NFATC2IP: variants seen among roughly 807,000 people sequenced by gnomAD.
NFATC2IP encodes nuclear factor of activated T cells 2 interacting protein, also known as NFATC2-interacting protein.
A neutral mutation model predicts 40.2 loss-of-function variants in NFATC2IP; 25 were observed. That is an observed-to-expected ratio of 0.62 (90% CI 0.45 to 0.87). NFATC2IP has a LOEUF of 0.87. NFATC2IP is among the 40% of genes least tolerant of loss of function. The probability of loss-of-function intolerance (pLI) is 0.00; values close to 1 mark genes in which losing one functional copy is unlikely to be tolerated. For synonymous variants in NFATC2IP, 241 were observed against 236.3 expected (o/e 1.02, Z -0.18); for missense variants, 553 against 555.6 (o/e 1.00, Z 0.05).
chr16:28,952,376 A>G, intron 2 of NFATC2IP, 172 bp downstream of exon 2: 1 of 1,041,112 alleles, frequency 9.6e-7, no homozygotes, highest in East Asian at 2.7e-5. Context: ...CATAGAATGT[A>G]TTAATGTATA....
rs1965117432 is a variant in NFATC2IP, at chr16:28,964,031, A to G, written c.*168A>G. The G allele has an allele frequency of 3.1e-6, 2 of 644,142 alleles. No individual in the cohort carries two copies. The highest frequency in any genetic ancestry group is 5.3e-6 in the Non-Finnish European group (2 of 378,410). The allele number at this position is 644,142 out of a possible 1,614,324, so 39.9% of individuals were successfully genotyped here. ...CTGTTGACCCTGGTTTAGAGCCGTT[A>G]ACCACTTGGTGAGTTATGTGGGTGT... On this transcript the variant is annotated 3_prime_UTR_variant, in exon 8 of 8. Coordinates refer to ENST00000320805, the MANE Select transcript of NFATC2IP (RefSeq NM_032815.4).
At position 28,959,099 on chromosome 16, in the gene NFATC2IP, G is replaced by C; in HGVS notation, c.1100G>C (p.Arg367Pro). Residue 367 changes from arginine (R) to proline (P), a missense_variant and splice_region_variant, in exon 7 of 8, where the codon CGA becomes CCA. By Grantham distance (103) the Arg-to-Pro change is moderately radical. Transcript: ENST00000320805. The part of the protein sequence containing the change: ...KHQTLEVSLS[R>P]DSPLKTLMSH... ...CAGACACTGGAAGTCTCACTGTCTC[G>C]AGTGAGTGGGAGAGATGGCTCTCCA... 6.3e-7 allele frequency: 1 copy of C among 1,579,314 alleles called. No individual in the cohort carries two copies. The highest frequency in any genetic ancestry group is 1.1e-5 in the South Asian group (1 of 90,232).
Position 28,951,042 on chromosome 16 carries a change from T to C in NFATC2IP, c.31T>C (p.Trp11Arg), listed in dbSNP as rs577511088. 3.9e-6 allele frequency: 6 copies of C among 1,526,692 alleles called. No homozygotes were observed. The highest frequency in any genetic ancestry group is 2.4e-5 in the East Asian group (1 of 41,312). 94.6% of individuals were successfully genotyped at this position (1,526,692 alleles called of 1,614,324 possible). A position where few individuals can be genotyped will look rare whatever the true frequency, so the allele number is the denominator to read the frequency against. Residue 11 changes from tryptophan (W) to arginine (R), a missense_variant, in exon 1 of 8, where the codon TGG becomes CGG. Physicochemically the swap from Trp to Arg is moderately radical, Grantham distance 101. Transcript: ENST00000320805. The stretch of plus-strand genomic sequence containing the variant: ...GGAGCCTGTGGGGAAGCGGGGCCGC[T>C]GGTCCGGAGGTAGCGGTGCCGGCCG... MAEPVGKRGR[W>R]SGGSGAGRGG...
At chr16:28,955,484 C>T (rs1448418189) in intron 3 of NFATC2IP, among the ~76,000 whole-genome samples, 1 of 152,176 alleles carries the variant, frequency 6.6e-6, no homozygotes, top group Non-Finnish European at 1.5e-5. Flanking sequence ...ATTTTCTTCC[C>T]TAATATTCAG....
At position 28,951,088 on chromosome 16, in the gene NFATC2IP, G is replaced by A; in HGVS notation, c.77G>A (p.Gly26Asp). The A allele has an allele frequency of 1.3e-6, 2 of 1,543,364 alleles. No homozygotes were observed. Among genetic ancestry groups the A allele is most frequent in the Non-Finnish European group, 1.7e-6 (2 of 1,143,438 alleles). ...GAGRGGRGGW[G>D]GRGRRPRAQR... ...GGCCGAGGGGGTCGGGGCGGCTGGG[G>A]CGGTCGGGGCCGGCGTCCTCGGGCC... Residue 26 changes from glycine (G) to aspartate (D), a missense_variant, in exon 1 of 8, where the codon GGC becomes GAC. By Grantham distance (94) the Gly-to-Asp change is moderately conservative (BLOSUM62 -1). Coordinates refer to ENST00000320805, the MANE Select transcript of NFATC2IP (RefSeq NM_032815.4).
At position 28,967,088 on chromosome 16, in the gene NFATC2IP, T is replaced by A. The variant is rs763033035; in HGVS notation, c.*3225T>A. The A allele has an allele frequency of 2.0e-5, 3 of 152,148 alleles. No homozygotes were observed. Among genetic ancestry groups the A allele is most frequent in the Non-Finnish European group, 2.9e-5 (2 of 68,030 alleles). 9.4% of individuals were successfully genotyped at this position (152,148 alleles called of 1,614,324 possible). A position where few individuals can be genotyped will look rare whatever the true frequency, so the allele number is the denominator to read the frequency against. ...CCTCAACAAAATAAATGGCAATATGTTCAACTTGTGTATACTGGAGGATTT... is the reference window on the plus strand; with the variant it reads ...CCTCAACAAAATAAATGGCAATATGATCAACTTGTGTATACTGGAGGATTT... On this transcript the variant is annotated 3_prime_UTR_variant, in exon 8 of 8. Transcript: ENST00000320805.
chr16:28,960,432 A>G (rs1430329132), intron 7 of NFATC2IP, among the ~76,000 whole-genome samples: 2 of 152,154 alleles, frequency 1.3e-5, no homozygotes, highest in African/African-American at 4.8e-5. Context: ...CTTAAGCCCA[A>G]AATCTCATTT....
At chr16:28,963,649 CG>C in intron 7 of NFATC2IP, 55 bp from the exon 8 acceptor site, 1 of 1,538,512 alleles carries the variant, frequency 6.5e-7, no homozygotes, top group East Asian at 2.2e-5. Flanking sequence ...TCTATCCCTA[CG>C]GGATCCCCGC....
Position 28,951,192 on chromosome 16 carries a change from G to A in NFATC2IP, c.181G>A (p.Val61Ile), listed in dbSNP as rs561447150. 4.6e-5 allele frequency: 71 copies of A among 1,539,974 alleles called. No homozygotes were observed. Among genetic ancestry groups the A allele is most frequent in the Non-Finnish European group, 6.0e-5 (68 of 1,141,090 alleles). ...VTDSDEEILEVATARGAADEV... is the reference protein window; with the variant it reads ...VTDSDEEILEIATARGAADEV... ...CGACAGCGATGAGGAAATTCTGGAGGTCGCCACCGCTCGCGGTGCCGCGGA... is the reference window on the plus strand; with the variant it reads ...CGACAGCGATGAGGAAATTCTGGAGATCGCCACCGCTCGCGGTGCCGCGGA... Residue 61 changes from valine (V) to isoleucine (I), a missense_variant, in exon 1 of 8, where the codon GTC becomes ATC. By Grantham distance (29) the Val-to-Ile change is conservative. Transcript: ENST00000320805.
chr16:28,961,066 A>G (rs1237655576), intron 7 of NFATC2IP, among the ~76,000 whole-genome samples: 1 of 152,092 alleles, frequency 6.6e-6, no homozygotes, highest in African/African-American at 2.4e-5. Flanking sequence ...AGTGCCTCAC[A>G]TCTGTAATCC....
At chr16:28,958,216 G>A (rs557755515) in intron 5 of NFATC2IP, among the ~76,000 whole-genome samples, 5 of 152,088 alleles carry the variant, frequency 3.3e-5, no homozygotes, top group South Asian at 2.1e-4. Flanking sequence ...TTGGGAGGCC[G>A]AGGCAGGTGG....
Position 28,950,990 on chromosome 16 carries a change from G to A in NFATC2IP, c.-22G>A. 2 of 1,475,786 alleles carry A rather than the reference G, an allele frequency of 1.4e-6. No individual in the cohort carries two copies. Among genetic ancestry groups the A allele is most frequent in the Non-Finnish European group, 1.8e-6 (2 of 1,118,672 alleles). 91.4% of individuals were successfully genotyped at this position (1,475,786 alleles called of 1,614,324 possible). On this transcript the variant is annotated 5_prime_UTR_variant, in exon 1 of 8. In the 5' UTR this introduces an upstream ATG that the reference lacks. Transcript: ENST00000320805. ...GGGCGAGGCGAGAGGAGGCGGGCGT[G>A]TGTTGTGGAGGAAAGTGTGCCATGG...
rs896462629 is a variant in NFATC2IP at position 28,964,672 on chromosome 16, C to T, written c.*809C>T. The T allele has an allele frequency of 1.3e-5, 2 of 152,252 alleles. No individual in the cohort carries two copies. The highest frequency in any genetic ancestry group is 2.9e-5 in the Non-Finnish European group (2 of 68,042). 9.4% of individuals were successfully genotyped at this position (152,252 alleles called of 1,614,324 possible). ...GAATATGAATGTATTTGTAAAATACCACGTTTCATGTGTGAATATGTGCTT... is the reference window on the plus strand; with the variant it reads ...GAATATGAATGTATTTGTAAAATACTACGTTTCATGTGTGAATATGTGCTT... On this transcript the variant is annotated 3_prime_UTR_variant, in exon 8 of 8. Transcript: ENST00000320805.
chr16:28,956,322 A>C lies in NFATC2IP; in HGVS notation c.831A>C (p.Arg277Ser). The C allele has an allele frequency of 1.2e-6, 2 of 1,613,808 alleles. No homozygotes were observed. The highest frequency in any genetic ancestry group is 1.7e-6 in the Non-Finnish European group (2 of 1,179,840). Residue 277 changes from arginine to serine, a missense_variant, in exon 5 of 8, where the codon AGA becomes AGC. By Grantham distance (110) the Arg-to-Ser change is moderately radical (BLOSUM62 -1). Transcript: ENST00000320805. ...TCCGTTGCCGGGCTGACCTGGTCAG[A>C]TTGCCCCTCAGGATGGTGAGTGCCT... Reference protein sequence around the residue: ...LKIRCRADLVRLPLRMSEPLQ... With the variant: ...LKIRCRADLVSLPLRMSEPLQ...
At chr16:28,952,955 T>C (rs1964983550) in intron 2 of NFATC2IP, among the ~76,000 whole-genome samples, 1 of 151,894 alleles carries the variant, frequency 6.6e-6, no homozygotes, top group Non-Finnish European at 1.5e-5. Context: ...TGGCTGGTCT[T>C]GAACTCCTGA....
chr16:28,958,642 GTGT>G, intron 5 of NFATC2IP, 72 bp from the exon 6 acceptor site: 2 of 1,266,020 alleles, frequency 1.6e-6, no homozygotes, highest in South Asian at 2.7e-5. Flanking sequence ...GCCAGAGCTT[GTGT>G]TTGGGTGGTG....
chr16:28,959,632 G>C lies in NFATC2IP; in HGVS notation c.1101+532G>C, dbSNP rs534265910. Among the ~76,000 whole-genome samples the C allele has an allele frequency of 3.0e-4, 45 of 147,840 alleles. No homozygotes were observed. In the South Asian group the frequency reaches 8.7e-3, roughly 29 times the overall value. ...GCCCTGTCGCCCAGGCTGAAGTCTG[G>C]CATGATCTTGGCTCACTGCAGCCTC... On this transcript the variant is annotated intron_variant, in intron 7 of 7. Coordinates refer to ENST00000320805, the MANE Select transcript of NFATC2IP (RefSeq NM_032815.4).
At position 28,959,030 on chromosome 16, in the gene NFATC2IP, C is replaced by A. The variant is rs372049949; in HGVS notation, c.1031C>A (p.Thr344Lys). 6 of 1,613,912 alleles carry A rather than the reference C, an allele frequency of 3.7e-6. No individual in the cohort carries two copies. Among genetic ancestry groups the A allele is most frequent in the Non-Finnish European group, 5.1e-6 (6 of 1,179,892 alleles). Residue 344 changes from threonine to lysine, a missense_variant, in exon 7 of 8, where the codon ACG (threonine) becomes AAG (lysine). Transcript: ENST00000320805. Reference sequence around the variant, plus strand: ...ACAAGTTCTCCAGAGGCCACAGAGACGTCCCAACAGCTCCAGCTCCGGGTG... The same window carrying A: ...ACAAGTTCTCCAGAGGCCACAGAGAAGTCCCAACAGCTCCAGCTCCGGGTG... ...VLTSSPEATE[T>K]SQQLQLRVQG...
chr16:28,951,999 A>T, intron 1 of NFATC2IP, 133 bp from the exon 2 acceptor site: 1 of 1,165,018 alleles, frequency 8.6e-7, no homozygotes, highest in Non-Finnish European at 1.2e-6. Flanking sequence ...CTAGGTTGCC[A>T]GGAGAGGGCC....
Sources: allele counts gnomAD v4.1 joint callset (sites outside exome capture counted in the v4.1 genomes callset), GRCh38; gene constraint gnomAD v4.1.1; transcripts MANE v1.5; gene names NCBI Gene and HGNC (gene_info 2026-07-23, HGNC 2026-07-21).